PCDHA13: variants seen among roughly 807,000 people sequenced by gnomAD.
PCDHA13 encodes the protein protocadherin alpha-13.
In PCDHA13, 54 loss-of-function variants were observed where a neutral mutation model predicts 64.8. The observed-to-expected ratio is 0.83, with a 90% CI of 0.67 to 1.04. The LOEUF is 1.04. Among genes scored for constraint, PCDHA13 ranks in the 50% least tolerant of loss-of-function variants. The probability of loss-of-function intolerance (pLI) is 0.00; values close to 1 mark genes in which losing one functional copy is unlikely to be tolerated. For missense variants in PCDHA13, 1,248 were observed against 1,254.3 expected (o/e 0.99, Z 0.08); for synonymous variants, 587 against 564.4 (o/e 1.04, Z -0.57).
chr5:140,924,110 CAGTT>C (rs1462987261), intron 1 of PCDHA13, among the ~76,000 whole-genome samples: 2 of 152,206 alleles, frequency 1.3e-5, no homozygotes, highest in Non-Finnish European at 2.9e-5. Flanking sequence ...CATTCCAAAG[CAGTT>C]AGCTTGCTTA....
intron 1 of PCDHA13, among the ~76,000 whole-genome samples, chr5:140,935,315 A>G (rs552631416): frequency 5.9e-5 from 9 of 152,306 alleles, no homozygotes; most frequent in East Asian, 5.8e-4. Context: ...AACTTCATCA[A>G]TCTTACATTC....
intron 1 of PCDHA13, among the ~76,000 whole-genome samples, chr5:140,894,606 T>C (rs1305424119): frequency 6.6e-6 from 1 of 152,022 alleles, no homozygotes; most frequent in Non-Finnish European, 1.5e-5. Context: ...CTCATCTCTC[T>C]TTTCAAAGCT....
In PCDHA13 at chr5:140,882,159, T is replaced by C. The variant is rs1017946710; in HGVS notation, c.-110T>C. 76 of 1,509,284 alleles carry C rather than the reference T, an allele frequency of 5.0e-5. No individual in the cohort carries two copies. The African/African-American group carries it at 8.9e-4, about 18-fold the overall frequency. 93.5% of individuals were successfully genotyped at this position (1,509,284 alleles called of 1,614,324 possible). On this transcript the variant is annotated 5_prime_UTR_variant, in exon 1 of 4. Transcript: ENST00000289272. ...AAAATATAGCAGAAAGCGGAATACC[T>C]CTTGCGAATCCTTCCGCACTAGGAA...
intron 3 of PCDHA13, among the ~76,000 whole-genome samples, chr5:141,005,406 G>C (rs1224420854): frequency 1.3e-5 from 2 of 152,172 alleles, no homozygotes; most frequent in Non-Finnish European, 2.9e-5. Flanking sequence ...GACTTGAAGA[G>C]TGAGGAGTCA....
At chr5:140,980,440 G>A (rs1317929590) in intron 2 of PCDHA13, among the ~76,000 whole-genome samples, 1 of 152,144 alleles carries the variant, frequency 6.6e-6, no homozygotes, top group African/African-American at 2.4e-5. Flanking sequence ...GACCATCCTG[G>A]ACAACACGGT....
chr5:140,969,536 C>A, intron 1 of PCDHA13: 1 of 1,332,634 alleles, frequency 7.5e-7, no homozygotes, highest in South Asian at 1.6e-5. Flanking sequence ...TTTTCATTTT[C>A]AGAGGCATGA....
At position 140,883,651 on chromosome 5, in the gene PCDHA13, G is replaced by A. The variant is rs782597421; in HGVS notation, c.1383G>A (p.Thr461=). ...CGGCGTTCGCGCAGCCCGAGTACAC[G>A]GTGTTCGTGAAGGAAAACAATCCGC... ...NAPAFAQPEY[T]VFVKENNPPG... Residue 461 remains threonine, a synonymous_variant, in exon 1 of 4, where the codon ACG becomes ACA. Coordinates refer to ENST00000289272, the MANE Select transcript of PCDHA13 (RefSeq NM_018904.3). The A allele has an allele frequency of 1.9e-6, 3 of 1,613,652 alleles. No homozygotes were observed. Among genetic ancestry groups the A allele is most frequent in the Middle Eastern group, 1.7e-4 (1 of 6,028 alleles).
chr5:140,959,102 G>A (rs556528085), intron 1 of PCDHA13, among the ~76,000 whole-genome samples: 2 of 152,214 alleles, frequency 1.3e-5, no homozygotes, highest in South Asian at 4.2e-4. Flanking sequence ...ACATTCAGCA[G>A]GGGTCCGAAG....
At position 140,883,315 on chromosome 5, in the gene PCDHA13, G is replaced by A. The variant is rs782377860; in HGVS notation, c.1047G>A (p.Glu349=). 1 of 1,614,104 alleles carries A rather than the reference G, an allele frequency of 6.2e-7. No individual in the cohort carries two copies. Among genetic ancestry groups the A allele is most frequent in the Admixed American group, 1.7e-5 (1 of 60,002 alleles). The change falls in exon 1 of 4, where the codon GAG becomes GAA. Residue 349 remains glutamate (E), a synonymous_variant. Transcript: ENST00000289272. ...TAGATGTAAATGATAACGCCCCAGA[G>A]GTTACCATCACTTCTTTGTCACTCC... The part of the protein sequence containing the change: ...EVLDVNDNAP[E]VTITSLSLPI...
intron 1 of PCDHA13, among the ~76,000 whole-genome samples, chr5:140,919,389 TG>T (rs2079114384): frequency 6.6e-6 from 1 of 152,242 alleles, no homozygotes; most frequent in African/African-American, 2.4e-5. Context: ...AGTTGGATGT[TG>T]TTTTCCTAAA....
intron 3 of PCDHA13, among the ~76,000 whole-genome samples, chr5:140,992,482 G>A (rs1187706188): frequency 6.6e-6 from 1 of 152,164 alleles, no homozygotes; most frequent in Non-Finnish European, 1.5e-5. Flanking sequence ...TCACCCAGAG[G>A]CCAATCTGTA....
At chr5:140,943,024 A>C (rs2093406550) in intron 1 of PCDHA13, among the ~76,000 whole-genome samples, 1 of 152,102 alleles carries the variant, frequency 6.6e-6, no homozygotes, top group Admixed American at 6.6e-5. Context: ...TGGGAGGCTG[A>C]GGTGGGTGGA....
At chr5:140,975,917 A>C (rs1287006605) in intron 1 of PCDHA13, among the ~76,000 whole-genome samples, 1 of 152,220 alleles carries the variant, frequency 6.6e-6, no homozygotes, top group Non-Finnish European at 1.5e-5. Context: ...TATTCTACCA[A>C]AAGACTAACC....
chr5:140,930,824 T>C (rs545304113), intron 1 of PCDHA13, among the ~76,000 whole-genome samples: 16 of 152,342 alleles, frequency 1.1e-4, no homozygotes, highest in African/African-American at 3.8e-4. Context: ...TAGTAAATGC[T>C]GACTGAATGA....
chr5:140,948,189 G>A (rs1032631604), intron 1 of PCDHA13, among the ~76,000 whole-genome samples: 4 of 151,532 alleles, frequency 2.6e-5, no homozygotes, highest in African/African-American at 9.7e-5. Context: ...ATCCCACTTA[G>A]TCATGATATA....
At chr5:140,888,956 G>A (rs1043287613) in intron 1 of PCDHA13, among the ~76,000 whole-genome samples, 1 of 151,722 alleles carries the variant, frequency 6.6e-6, no homozygotes, top group Non-Finnish European at 1.5e-5. Context: ...TTTTTCTTTG[G>A]CAATGTTAAT....
chr5:140,971,040 A>G (rs1554232989), intron 1 of PCDHA13, among the ~76,000 whole-genome samples: 2 of 152,194 alleles, frequency 1.3e-5, no homozygotes, highest in Non-Finnish European at 2.9e-5. Flanking sequence ...AAGCACGTAA[A>G]AGGGTTTAGC....
chr5:140,967,108 G>A (rs2096097580), intron 1 of PCDHA13: 1 of 1,612,960 alleles, frequency 6.2e-7, no homozygotes, highest in South Asian at 1.1e-5. Flanking sequence ...GTGAGCAGCG[G>A]CCTCGCTGCC....
In PCDHA13 at chr5:140,884,343, C is replaced by T. The variant is rs368888498; in HGVS notation, c.2075C>T (p.Ala692Val). 1.2e-6 allele frequency: 2 copies of T among 1,613,900 alleles called. No homozygotes were observed. Among genetic ancestry groups the T allele is most frequent in the Non-Finnish European group, 1.7e-6 (2 of 1,179,874 alleles). ...GCAGGCGCTGTGGGTCCAGAAGCGG[C>T]GCTGGTGGATGTCAATGTTTACTTG... ...ASAGAVGPEA[A>V]LVDVNVYLII... Residue 692 changes from alanine (A) to valine (V), a missense_variant, in exon 1 of 4, where the codon GCG becomes GTG. Coordinates refer to ENST00000289272, the MANE Select transcript of PCDHA13 (RefSeq NM_018904.3).
Sources: allele counts gnomAD v4.1 joint callset (sites outside exome capture counted in the v4.1 genomes callset), GRCh38; gene constraint gnomAD v4.1.1; transcripts MANE v1.5; gene names NCBI Gene and HGNC (gene_info 2026-07-23, HGNC 2026-07-21).